NT5C2: variants seen among roughly 807,000 people sequenced by gnomAD.
NT5C2 encodes cytosolic purine 5'-nucleotidase.
NT5C2 carries 58 observed loss-of-function variants against 76.1 expected under a neutral mutation model. The ratio of observed to expected loss-of-function variants is 0.76; its 90% CI spans 0.62 to 0.95. NT5C2 has a LOEUF of 0.95. NT5C2 is among the 40% of genes least tolerant of loss of function. The pLI is 0.00. For synonymous variants in NT5C2, 229 were observed against 237.4 expected, an observed-to-expected ratio of 0.96 and a Z score of 0.32; for missense variants, 478 against 690.3, an observed-to-expected ratio of 0.69 and a Z score of 3.45.
At chr10:103,183,454 C>T (rs1405801386) in intron 1 of NT5C2, among the ~76,000 whole-genome samples, 1 of 146,350 alleles carries the variant, frequency 6.8e-6, no homozygotes, top group Non-Finnish European at 1.5e-5. Flanking sequence ...TCAATATTGC[C>T]TCTGCATCAT....
At chr10:103,169,013 T>A (rs35195396) in intron 3 of NT5C2, among the ~76,000 whole-genome samples, 47,684 of 151,746 alleles carry the variant, frequency 0.31, 7,510 homozygotes, top group Middle Eastern at 0.36. Flanking sequence ...TGGTTTCTAT[T>A]TAAAATTTTT....
chr10:103,185,119 T>A (rs1039102054), intron 1 of NT5C2, among the ~76,000 whole-genome samples: 1 of 152,214 alleles, frequency 6.6e-6, no homozygotes, highest in Non-Finnish European at 1.5e-5. Flanking sequence ...TCTAACTGAA[T>A]GTTTTGAATA....
intron 15 of NT5C2, 109 bp from the exon 16 acceptor site, chr10:103,091,724 G>A: frequency 1.2e-6 from 1 of 832,758 alleles, no homozygotes; most frequent in South Asian, 1.4e-5. Context: ...GTAGAACCTG[G>A]GACTAACATG....
chr10:103,167,556 T>C (rs2086702901), intron 3 of NT5C2, among the ~76,000 whole-genome samples: 3 of 152,152 alleles, frequency 2.0e-5, no homozygotes, highest in Admixed American at 1.3e-4. Context: ...TTGATCAACC[T>C]GGCAGTCTCT....
At chr10:103,183,275 A>AATATATATATATTTTATATATATATAT (rs1554841646) in intron 1 of NT5C2, among the ~76,000 whole-genome samples, 10 of 104,934 alleles carry the variant, frequency 9.5e-5, no homozygotes, top group Non-Finnish European at 1.2e-4. Flanking sequence ...ATATATATAT[A>AATATATATATATTTTATATATATATAT]TATATATATA....
At chr10:103,100,623 T>C (rs1473968775) in intron 8 of NT5C2, 2 of 460,442 alleles carry the variant, frequency 4.3e-6, no homozygotes, top group South Asian at 3.1e-5. Context: ...ATTTATTCCT[T>C]AATCAAATCT....
At chr10:103,158,260 C>A (rs1213929962) in intron 3 of NT5C2, among the ~76,000 whole-genome samples, 1 of 151,876 alleles carries the variant, frequency 6.6e-6, no homozygotes, top group Admixed American at 6.6e-5. Context: ...GCTGTAAATG[C>A]ACATATTTAA....
At chr10:103,113,803 C>G (rs2135472587) in intron 4 of NT5C2, among the ~76,000 whole-genome samples, 1 of 152,242 alleles carries the variant, frequency 6.6e-6, no homozygotes, top group South Asian at 2.1e-4. Context: ...TTCTTAAAAC[C>G]TATGCATGAT....
chr10:103,171,525 A>G (rs1489274770), intron 3 of NT5C2, among the ~76,000 whole-genome samples: 1 of 152,194 alleles, frequency 6.6e-6, no homozygotes, highest in Non-Finnish European at 1.5e-5. Context: ...ACTTTTTAGC[A>G]CTGCCAATAT....
chr10:103,147,527 A>C (rs1591467122), intron 3 of NT5C2, among the ~76,000 whole-genome samples: 1 of 152,200 alleles, frequency 6.6e-6, no homozygotes, highest in East Asian at 1.9e-4. Flanking sequence ...TTACTTTTCT[A>C]CTTAATGAAA....
intron 3 of NT5C2, among the ~76,000 whole-genome samples, chr10:103,172,921 T>C (rs919934800): frequency 1.3e-5 from 2 of 152,204 alleles, no homozygotes; most frequent in African/African-American, 2.4e-5. Flanking sequence ...GGCAGGAGAA[T>C]TGCTTGAACC....
At chr10:103,094,167 A>G in intron 13 of NT5C2, 129 bp from the exon 14 acceptor site, 1 of 748,720 alleles carries the variant, frequency 1.3e-6, no homozygotes. Context: ...AATGGCACTT[A>G]CTCTTTTCAA....
At chr10:103,134,338 A>G (rs1236760019) in intron 4 of NT5C2, among the ~76,000 whole-genome samples, 1 of 152,168 alleles carries the variant, frequency 6.6e-6, no homozygotes, top group Admixed American at 6.5e-5. Context: ...CAGTCTGGCG[A>G]CTTAGTGCCG....
intron 4 of NT5C2, among the ~76,000 whole-genome samples, chr10:103,114,113 T>C (rs1223571916): frequency 6.6e-6 from 1 of 152,204 alleles, no homozygotes; most frequent in Non-Finnish European, 1.5e-5. Flanking sequence ...GTCTCTCAAC[T>C]GTATAACACT....
intron 3 of NT5C2, among the ~76,000 whole-genome samples, chr10:103,143,382 T>C (rs766697648): frequency 6.6e-5 from 10 of 152,114 alleles, no homozygotes; most frequent in East Asian, 1.9e-4. Flanking sequence ...AGATCTTCTA[T>C]TGATATTTAC....
intron 3 of NT5C2, among the ~76,000 whole-genome samples, chr10:103,165,088 T>G (rs1212700566): frequency 6.6e-6 from 1 of 152,122 alleles, no homozygotes; most frequent in Non-Finnish European, 1.5e-5. Context: ...ACTGTGAAAA[T>G]TTTTATTTTG....
chr10:103,129,908 C>T (rs1344220519), intron 4 of NT5C2, among the ~76,000 whole-genome samples: 1 of 96,534 alleles, frequency 1.0e-5, no homozygotes, highest in Non-Finnish European at 2.1e-5. Flanking sequence ...CCCGGCCAGC[C>T]GCCCCGTCCG....
chr10:103,174,532 T>C (rs1267390369), intron 3 of NT5C2, among the ~76,000 whole-genome samples: 2 of 152,072 alleles, frequency 1.3e-5, no homozygotes, highest in East Asian at 1.9e-4. Context: ...GATTGCGCCA[T>C]TGTACTCCAG....
chr10:103,173,714 C>G (rs1249248460), intron 3 of NT5C2, among the ~76,000 whole-genome samples: 1 of 149,924 alleles, frequency 6.7e-6, no homozygotes, highest in Non-Finnish European at 1.5e-5. Flanking sequence ...ATCACGAGGT[C>G]TGGAGTTCAA....
Sources: gnomAD v4.1 joint callset for allele counts (sites outside exome capture counted in the v4.1 genomes callset) on GRCh38, gnomAD v4.1.1 for gene constraint, MANE v1.5 for transcripts, NCBI Gene and HGNC (gene_info 2026-07-23, HGNC 2026-07-21) for gene names.